Variants in CSMD1 observed in about 807,000 individuals in gnomAD.
CSMD1 encodes the protein CUB and sushi domain-containing protein 1.
A neutral mutation model predicts 417.5 loss-of-function variants in CSMD1; 213 were observed. That is an observed-to-expected ratio of 0.51 (90% CI 0.46 to 0.57). CSMD1 has a LOEUF of 0.57. Among genes scored for constraint, CSMD1 ranks in the 20% least tolerant of loss-of-function variants. CSMD1 has a pLI of 0.00. For synonymous variants in CSMD1, 2,862 were observed against 1,736.8 expected (o/e 1.65, Z -16.11); for missense variants, 6,923 against 4,529.7 (o/e 1.53, Z -15.17).
At chr8:2,999,013 A>G (rs924546342) in intron 53 of CSMD1, among the ~76,000 whole-genome samples, 41 of 152,188 alleles carry the variant, frequency 2.7e-4, no homozygotes, top group African/African-American at 9.6e-4. Context: ...TCTAAAAACA[A>G]TTGGTTTAAG....
intron 5 of CSMD1, among the ~76,000 whole-genome samples, chr8:3,829,572 A>G (rs1442895679): frequency 2.0e-5 from 3 of 152,098 alleles, no homozygotes; most frequent in East Asian, 1.9e-4. Flanking sequence ...CCCTGCTGTA[A>G]CCTCCAGTAC....
At chr8:4,603,065 G>C (rs546187392) in intron 2 of CSMD1, among the ~76,000 whole-genome samples, 1 of 151,822 alleles carries the variant, frequency 6.6e-6, no homozygotes, top group Non-Finnish European at 1.5e-5. Context: ...AGTATAATTT[G>C]AATTCTAAAT....
At chr8:3,645,795 AAC>A (rs1797544507) in intron 7 of CSMD1, among the ~76,000 whole-genome samples, 1 of 152,190 alleles carries the variant, frequency 6.6e-6, no homozygotes, top group African/African-American at 2.4e-5. Flanking sequence ...AACATACCAA[AAC>A]AAAGCTGTCT....
At chr8:3,250,374 C>T (rs572811676) in intron 26 of CSMD1, among the ~76,000 whole-genome samples, 9 of 152,228 alleles carry the variant, frequency 5.9e-5, no homozygotes, top group African/African-American at 1.9e-4. Context: ...CCTGTCCCTA[C>T]AAAGGACATG....
At chr8:3,127,145 C>G (rs2129023954) in intron 41 of CSMD1, among the ~76,000 whole-genome samples, 1 of 152,254 alleles carries the variant, frequency 6.6e-6, no homozygotes, top group Admixed American at 6.5e-5. Context: ...GGAATCTTAG[C>G]CTTTTCTGTC....
intron 2 of CSMD1, among the ~76,000 whole-genome samples, chr8:4,562,851 C>G (rs924954679): frequency 6.6e-6 from 1 of 152,048 alleles, no homozygotes; most frequent in Non-Finnish European, 1.5e-5. Flanking sequence ...AATTCAAATG[C>G]CTCCAAAATA....
At position 3,181,105 on chromosome 8, in the gene CSMD1, C is replaced by T. The variant is rs1585575481; in HGVS notation, c.5725+5G>A. Reference sequence around the variant, plus strand: ...GAAGCTGTATACAGAAAGAGTTGACCTTACTTTTGTATTCCAGGTGGAAAC... The same window carrying T: ...GAAGCTGTATACAGAAAGAGTTGACTTTACTTTTGTATTCCAGGTGGAAAC... On this transcript the variant is annotated splice_donor_5th_base_variant and intron_variant, in intron 37 of 69. Transcript: ENST00000635120. 1 of 1,598,574 alleles carries T rather than the reference C, an allele frequency of 6.3e-7. No individual in the cohort carries two copies. The highest frequency in any genetic ancestry group is 1.7e-5 in the Admixed American group (1 of 59,912).
In CSMD1 at chr8:3,600,945, T is replaced by G. The variant is rs115555842; in HGVS notation, c.1098-14685A>C. On this transcript the variant is annotated intron_variant, in intron 8 of 69. Transcript: ENST00000635120. The stretch of plus-strand genomic sequence containing the variant: ...GAAAATGTGGATAGAGAGGAAGGAA[T>G]TGATTGCAATGTCAAGAAATGTAAA... 9.9e-3 allele frequency among the ~76,000 whole-genome samples: 1,512 copies of G among 152,314 alleles called. 26 individuals are homozygous for G. The highest frequency in any genetic ancestry group is 0.035 in the African/African-American group (1,455 of 41,568).
chr8:3,914,264 T>G (rs1044557964), intron 5 of CSMD1, among the ~76,000 whole-genome samples: 14 of 152,140 alleles, frequency 9.2e-5, no homozygotes, highest in African/African-American at 3.4e-4. Context: ...TTAGAGAGGT[T>G]GCATACTTTG....
At chr8:4,992,874 C>G (rs536306498) in intron 1 of CSMD1, among the ~76,000 whole-genome samples, 1 of 152,252 alleles carries the variant, frequency 6.6e-6, no homozygotes, top group Non-Finnish European at 1.5e-5. Context: ...GTTTGCGATC[C>G]CCGAGATCTC....
intron 3 of CSMD1, among the ~76,000 whole-genome samples, chr8:4,362,548 G>T (rs1362582240): frequency 6.6e-6 from 1 of 152,164 alleles, no homozygotes; most frequent in Admixed American, 6.5e-5. Flanking sequence ...TTAATTTATT[G>T]TGGGAAGTGG....
intron 2 of CSMD1, among the ~76,000 whole-genome samples, chr8:4,508,076 A>G (rs1178432652): frequency 8.6e-5 from 12 of 140,244 alleles, no homozygotes; most frequent in Admixed American, 8.2e-4. Flanking sequence ...TGAGCTATGT[A>G]GAAAAAAAAT....
chr8:3,254,881 A>G (rs1459266998), intron 26 of CSMD1, among the ~76,000 whole-genome samples: 4 of 152,114 alleles, frequency 2.6e-5, no homozygotes, highest in African/African-American at 9.7e-5. Context: ...TGTCAAAGTC[A>G]TTCTCCATCC....
intron 8 of CSMD1, among the ~76,000 whole-genome samples, chr8:3,593,229 G>C (rs975046237): frequency 3.3e-5 from 5 of 152,246 alleles, no homozygotes; most frequent in African/African-American, 1.2e-4. Flanking sequence ...TGGGTGAGGA[G>C]ACAGAACAAG....
At chr8:3,293,655 C>A (rs142367014) in intron 25 of CSMD1, among the ~76,000 whole-genome samples, 1 of 152,112 alleles carries the variant, frequency 6.6e-6, no homozygotes, top group South Asian at 2.1e-4. Context: ...ACGTAGTCCT[C>A]GTGCCTTGGT....
chr8:4,444,695 G>A (rs17336607), intron 2 of CSMD1, among the ~76,000 whole-genome samples: 13,718 of 152,032 alleles, frequency 0.09, 866 homozygotes, highest in Admixed American at 0.2. Flanking sequence ...CAAAAAGCAG[G>A]GTCACTCTAA....
chr8:4,223,440 G>C (rs959624348), intron 3 of CSMD1, among the ~76,000 whole-genome samples: 10 of 152,244 alleles, frequency 6.6e-5, no homozygotes, highest in Non-Finnish European at 1.2e-4. Context: ...GTGACGAATA[G>C]GCTGACTGCT....
intron 3 of CSMD1, among the ~76,000 whole-genome samples, chr8:4,174,592 T>C (rs1052887261): frequency 6.7e-6 from 1 of 150,030 alleles, no homozygotes; most frequent in Non-Finnish European, 1.5e-5. Context: ...GGATACACAA[T>C]GTCTGAAGCC....
At chr8:4,223,642 G>A (rs773327172) in intron 3 of CSMD1, among the ~76,000 whole-genome samples, 4 of 152,214 alleles carry the variant, frequency 2.6e-5, no homozygotes, top group Non-Finnish European at 5.9e-5. Flanking sequence ...AGGACTCAGC[G>A]AGTTAAACCC....
Sources: allele counts gnomAD v4.1 joint callset (sites outside exome capture counted in the v4.1 genomes callset), GRCh38; gene constraint gnomAD v4.1.1; transcripts MANE v1.5; gene names NCBI Gene and HGNC (gene_info 2026-07-23, HGNC 2026-07-21).